Variants in CDON observed in about 807,000 individuals in gnomAD.
CDON encodes cell adhesion associated, oncogene regulated.
Under a neutral mutation model 120.9 loss-of-function variants are expected in CDON, and 73 were observed. The observed-to-expected ratio is 0.60, with a 90% CI of 0.50 to 0.73. CDON has a LOEUF of 0.73. CDON is among the 30% of genes least tolerant of loss of function. The pLI, the probability that CDON is intolerant of heterozygous loss-of-function variation, is 0.00. For synonymous variants in CDON, 566 were observed against 573.5 expected, an observed-to-expected ratio of 0.99 and a Z score of 0.19; for missense variants, 1,470 against 1,587.3, an observed-to-expected ratio of 0.93 and a Z score of 1.26.
At chr11:125,974,734 C>G (rs1470033167) in intron 18 of CDON, among the ~76,000 whole-genome samples, 1 of 152,100 alleles carries the variant, frequency 6.6e-6, no homozygotes, top group Admixed American at 6.5e-5. Flanking sequence ...CATTCTACCC[C>G]CTGAAGCCAA....
chr11:126,059,501 C>T (rs942117050), intron 1 of CDON, among the ~76,000 whole-genome samples: 4 of 150,994 alleles, frequency 2.6e-5, no homozygotes, highest in African/African-American at 9.8e-5. Flanking sequence ...CCGCATCCCC[C>T]CAATCCCCGC....
Position 126,001,728 on chromosome 11 carries a change from G to T in CDON, c.2149C>A (p.His717Asn). ...ATATTCTTCTTTTTACCTCCACTGT[G>T]CCTAGAGGAATCTGTAAGTACCACT... ...FGVVLTDSSR[H>N]SGVPEAPDRP... The change falls in exon 11 of 20, where the codon CAC (histidine) becomes AAC (asparagine). Residue 717 changes from histidine to asparagine, a missense_variant. His to Asn is a moderately conservative substitution (Grantham distance 68). Transcript: ENST00000531738. The T allele has an allele frequency of 6.2e-7, 1 of 1,613,284 alleles. No homozygotes were observed. Among genetic ancestry groups the T allele is most frequent in the Non-Finnish European group, 8.5e-7 (1 of 1,179,326 alleles).
chr11:125,981,581 A>G (rs901319268), intron 16 of CDON, among the ~76,000 whole-genome samples: 2 of 152,230 alleles, frequency 1.3e-5, no homozygotes, highest in African/African-American at 4.8e-5. Flanking sequence ...GCTTTAATAA[A>G]GTTACTGCTA....
Position 126,011,965 on chromosome 11 carries a change from C to G in CDON, c.1199-1271G>C, listed in dbSNP as rs137899254. 7.9e-5 allele frequency among the ~76,000 whole-genome samples: 12 copies of G among 152,336 alleles called. No homozygotes were observed. The East Asian group carries it at 1.3e-3, about 17-fold the overall frequency. On this transcript the variant is annotated intron_variant, in intron 7 of 19. Transcript: ENST00000531738. ...CGAAATGGGTCTCCTCCCTGCTGAT[C>G]TGCAATGCCGGCTCAGTCAAGCCCT...
chr11:126,036,335 A>C (rs1948096563), intron 1 of CDON, among the ~76,000 whole-genome samples: 1 of 152,268 alleles, frequency 6.6e-6, no homozygotes, highest in African/African-American at 2.4e-5. Flanking sequence ...CAAGAACATC[A>C]AACACTTTCT....
intron 11 of CDON, among the ~76,000 whole-genome samples, chr11:125,998,608 T>C (rs1011903232): frequency 6.6e-6 from 1 of 152,234 alleles, no homozygotes; most frequent in Admixed American, 6.5e-5. Context: ...CCTCACGTAT[T>C]CCTTTATAGC....
intron 18 of CDON, among the ~76,000 whole-genome samples, chr11:125,969,929 GA>G (rs1945916675): frequency 6.6e-6 from 1 of 152,174 alleles, no homozygotes; most frequent in South Asian, 2.1e-4. Context: ...CAGCACCTCT[GA>G]AATATTTTCT....
chr11:126,051,894 C>G (rs562140915), intron 1 of CDON, among the ~76,000 whole-genome samples: 3 of 152,190 alleles, frequency 2.0e-5, no homozygotes, highest in African/African-American at 7.2e-5. Context: ...GGTGATCCAC[C>G]CGCCTCAGCC....
At chr11:125,964,051 C>T (rs1229373201) in intron 18 of CDON, among the ~76,000 whole-genome samples, 1 of 152,154 alleles carries the variant, frequency 6.6e-6, no homozygotes, top group Non-Finnish European at 1.5e-5. Context: ...TAATCTGAAA[C>T]CCACTTAAAA....
chr11:125,969,782 T>C (rs930921848), intron 18 of CDON, among the ~76,000 whole-genome samples: 1 of 152,302 alleles, frequency 6.6e-6, no homozygotes, highest in East Asian at 1.9e-4. Flanking sequence ...ATCTGAAAGA[T>C]AGGAAAATGA....
chr11:125,993,967 C>T (rs1565511402), intron 14 of CDON, among the ~76,000 whole-genome samples: 1 of 152,122 alleles, frequency 6.6e-6, no homozygotes, highest in African/African-American at 2.4e-5. Context: ...TTTAAAGTAG[C>T]TAGACATTAT....
rs531227467 is a variant in CDON at position 126,019,836 on chromosome 11, A to G, written c.350-71T>C. On this transcript the variant is annotated intron_variant, in intron 3 of 19. Coordinates refer to ENST00000531738, the MANE Select transcript of CDON (RefSeq NM_001378964.1). Reference sequence around the variant, plus strand: ...ATTCTTTTTCCCAAAGGAAATTTACAAATTAGAAACAACATCTGCAGCACG... The same window carrying G: ...ATTCTTTTTCCCAAAGGAAATTTACGAATTAGAAACAACATCTGCAGCACG... 6 of 1,414,312 alleles carry G rather than the reference A, an allele frequency of 4.2e-6. No homozygotes were observed. The East Asian group carries it at 1.2e-4, about 28-fold the overall frequency. The allele number at this position is 1,414,312 out of a possible 1,614,324, so 87.6% of individuals were successfully genotyped here. A position where few individuals can be genotyped will look rare whatever the true frequency, so the allele number is the denominator to read the frequency against.
intron 1 of CDON, among the ~76,000 whole-genome samples, chr11:126,024,078 T>A (rs1050698271): frequency 3.3e-5 from 5 of 152,110 alleles, no homozygotes; most frequent in African/African-American, 1.2e-4. Context: ...ACAGAGAATA[T>A]CAAGGTCAGG....
intron 6 of CDON, among the ~76,000 whole-genome samples, chr11:126,015,876 C>A (rs557590551): frequency 6.6e-6 from 1 of 152,140 alleles, no homozygotes; most frequent in African/African-American, 2.4e-5. Context: ...TCACACTAAA[C>A]AGAAGCCAAA....
chr11:126,036,587 T>C (rs1228471836), intron 1 of CDON, among the ~76,000 whole-genome samples: 3 of 152,244 alleles, frequency 2.0e-5, no homozygotes, highest in South Asian at 4.1e-4. Context: ...TATATACCCT[T>C]GTAGGCCTCA....
chr11:126,002,385 G>C (rs1946970837), intron 10 of CDON, among the ~76,000 whole-genome samples: 1 of 152,188 alleles, frequency 6.6e-6, no homozygotes, highest in Non-Finnish European at 1.5e-5. Context: ...ATTTAAGATA[G>C]AAAGTACTCG....
At chr11:126,010,144 A>T (rs1427025820) in intron 8 of CDON, among the ~76,000 whole-genome samples, 197 bp downstream of exon 8, 2 of 152,240 alleles carry the variant, frequency 1.3e-5, no homozygotes, top group African/African-American at 4.8e-5. Context: ...CTTAACAAAC[A>T]CATCAGAAAC....
intron 18 of CDON, among the ~76,000 whole-genome samples, chr11:125,968,446 A>G (rs1362982935): frequency 6.6e-6 from 1 of 152,212 alleles, no homozygotes; most frequent in East Asian, 1.9e-4. Flanking sequence ...AGCGGGCGAG[A>G]CAGAGGCGCA....
At chr11:126,040,846 A>G (rs1176030290) in intron 1 of CDON, among the ~76,000 whole-genome samples, 5 of 132,548 alleles carry the variant, frequency 3.8e-5, no homozygotes, top group African/African-American at 1.1e-4. Flanking sequence ...AAAAAAAAAA[A>G]GGTACTAAAG....
Sources: gnomAD v4.1 joint callset for allele counts (sites outside exome capture counted in the v4.1 genomes callset) on GRCh38, gnomAD v4.1.1 for gene constraint, MANE v1.5 for transcripts, NCBI Gene and HGNC (gene_info 2026-07-23, HGNC 2026-07-21) for gene names.